The following ZFAND3 variants were observed in gnomAD, a reference collection of about 807,000 sequenced individuals.
ZFAND3 encodes zinc finger AN1-type containing 3, also known as AN1-type zinc finger protein 3.
A neutral mutation model predicts 29.6 loss-of-function variants in ZFAND3; 10 were observed. The observed-to-expected ratio is 0.34, with a 90% CI of 0.21 to 0.57. ZFAND3 has a LOEUF of 0.57. ZFAND3 is among the 20% of genes least tolerant of loss of function. The pLI is 0.86. For synonymous variants in ZFAND3, 128 were observed against 112.6 expected (o/e 1.14, Z -0.87); for missense variants, 230 against 304.5 (o/e 0.76, Z 1.82).
At chr6:38,086,467 T>C (rs1764759791) in intron 4 of ZFAND3, among the ~76,000 whole-genome samples, 1 of 152,224 alleles carries the variant, frequency 6.6e-6, no homozygotes, top group Admixed American at 6.5e-5. Context: ...AAGCACATCA[T>C]ACCTTCAGAT....
At position 37,961,879 on chromosome 6, in the gene ZFAND3, C is replaced by G. The variant is rs140410147; in HGVS notation, c.112+31880C>G. Reference sequence around the variant, plus strand: ...CTTTAGAATATCTGGAAGGCCTTTCCAAGAAGGATGGGTACAAACAAGCCC... The same window carrying G: ...CTTTAGAATATCTGGAAGGCCTTTCGAAGAAGGATGGGTACAAACAAGCCC... On this transcript the variant is annotated intron_variant, in intron 2 of 5. Transcript: ENST00000287218. Among the ~76,000 whole-genome samples, 3 of 152,126 alleles carry G rather than the reference C, an allele frequency of 2.0e-5. No individual in the cohort carries two copies. In the East Asian group the frequency reaches 5.8e-4, roughly 29 times the overall value.
chr6:38,004,825 G>C lies in ZFAND3; in HGVS notation c.113-56768G>C, dbSNP rs546806502. Among the ~76,000 whole-genome samples the C allele has an allele frequency of 5.8e-4, 88 of 152,158 alleles. 1 individual carries two copies. Among genetic ancestry groups the C allele is most frequent in the Admixed American group, 4.9e-3 (75 of 15,286 alleles). On this transcript the variant is annotated intron_variant, in intron 2 of 5. Transcript: ENST00000287218. ...TTTTGTCTCTTCCATTAAATGTCTG[G>C]CTATAACACAGATCATCATCATGTG... is the stretch of plus-strand genomic sequence containing the variant.
chr6:37,980,503 G>C (rs1237726865), intron 2 of ZFAND3, among the ~76,000 whole-genome samples: 1 of 152,186 alleles, frequency 6.6e-6, no homozygotes, highest in Non-Finnish European at 1.5e-5. Context: ...TTTGAAGCAA[G>C]TATTAGCTTC....
chr6:38,084,896 A>C (rs1764728587), intron 4 of ZFAND3, among the ~76,000 whole-genome samples: 1 of 152,238 alleles, frequency 6.6e-6, no homozygotes, highest in South Asian at 2.1e-4. Context: ...ACTTCTTTTC[A>C]AGAAGACTGT....
intron 1 of ZFAND3, among the ~76,000 whole-genome samples, chr6:37,913,670 A>G (rs990897588): frequency 2.8e-5 from 4 of 142,314 alleles, no homozygotes; most frequent in Non-Finnish European, 6.2e-5. Flanking sequence ...AAAATAGTCT[A>G]TTATTTACTT....
chr6:38,050,945 T>C (rs1156323838), intron 2 of ZFAND3, among the ~76,000 whole-genome samples: 6 of 152,118 alleles, frequency 3.9e-5, no homozygotes, highest in African/African-American at 1.4e-4. Context: ...GAAGGAGACC[T>C]GAAGATTGGT....
At chr6:37,908,743 G>GAAAAAAA (rs202057469) in intron 1 of ZFAND3, among the ~76,000 whole-genome samples, 2 of 97,264 alleles carry the variant, frequency 2.1e-5, no homozygotes, top group African/African-American at 3.6e-5. Context: ...AATTTTCAAA[G>GAAAAAAA]AAAAAAAAAA....
At chr6:38,010,517 C>T (rs1292213667) in intron 2 of ZFAND3, among the ~76,000 whole-genome samples, 1 of 151,370 alleles carries the variant, frequency 6.6e-6, no homozygotes, top group Non-Finnish European at 1.5e-5. Flanking sequence ...TTGTCTTCAG[C>T]TGTTAAGTCT....
intron 1 of ZFAND3, among the ~76,000 whole-genome samples, chr6:37,838,258 G>C (rs1489579090): frequency 4.6e-5 from 7 of 152,158 alleles, no homozygotes; most frequent in Non-Finnish European, 7.4e-5. Context: ...GGAAGGTAAA[G>C]TTGTTGTTTT....
chr6:37,960,962 A>G (rs956193692), intron 2 of ZFAND3, among the ~76,000 whole-genome samples: 7 of 152,074 alleles, frequency 4.6e-5, no homozygotes, highest in Non-Finnish European at 1.0e-4. Flanking sequence ...GGATGTACCT[A>G]TAGTCAGGAG....
chr6:38,030,288 A>G (rs993351278), intron 2 of ZFAND3, among the ~76,000 whole-genome samples: 2 of 151,470 alleles, frequency 1.3e-5, no homozygotes, highest in African/African-American at 4.9e-5. Context: ...TGGCTTCCCA[A>G]AGTGTTGGGA....
chr6:38,060,413 CT>C (rs1291473724), intron 2 of ZFAND3, among the ~76,000 whole-genome samples: 2 of 150,028 alleles, frequency 1.3e-5, no homozygotes, highest in Non-Finnish European at 3.0e-5. Context: ...TTTCTTGGTT[CT>C]TTTTTTTCCT....
chr6:38,121,427 G>C (rs1043554216), intron 5 of ZFAND3, among the ~76,000 whole-genome samples: 7 of 152,142 alleles, frequency 4.6e-5, no homozygotes, highest in Non-Finnish European at 8.8e-5. Flanking sequence ...ACTTGAGGGA[G>C]CATCACAATT....
rs568783288 is a variant in ZFAND3 at position 37,956,418 on chromosome 6, A to C, written c.112+26419A>C. Among the ~76,000 whole-genome samples the C allele has an allele frequency of 2.0e-5, 3 of 152,330 alleles. No homozygotes were observed. In the East Asian group the frequency reaches 5.8e-4, roughly 29 times the overall value. On this transcript the variant is annotated intron_variant, in intron 2 of 5. Transcript: ENST00000287218. ...AAATAGAACACAAAGGAATGCTCAG[A>C]TCCTTGGAGGAGGAAGCAGAAAAGG...
chr6:38,032,040 C>T (rs1763571646), intron 2 of ZFAND3, among the ~76,000 whole-genome samples: 1 of 151,954 alleles, frequency 6.6e-6, no homozygotes, highest in African/African-American at 2.4e-5. Context: ...GTCATGTTAC[C>T]CAGGCTGGTC....
intron 1 of ZFAND3, among the ~76,000 whole-genome samples, chr6:37,911,785 G>A (rs1280759823): frequency 6.6e-6 from 1 of 152,172 alleles, no homozygotes; most frequent in East Asian, 1.9e-4. Flanking sequence ...ACAGGTGGGA[G>A]TGGAGATGAG....
intron 5 of ZFAND3, among the ~76,000 whole-genome samples, chr6:38,142,611 C>A (rs982796719): frequency 1.3e-5 from 2 of 152,184 alleles, no homozygotes; most frequent in Non-Finnish European, 2.9e-5. Flanking sequence ...AATCAGGAGC[C>A]TACTGAAAGG....
intron 1 of ZFAND3, among the ~76,000 whole-genome samples, chr6:37,891,852 C>T (rs1765111146): frequency 6.6e-6 from 1 of 151,948 alleles, no homozygotes; most frequent in Admixed American, 6.6e-5. Context: ...TCTCAGCCTC[C>T]CGAGTAGTTG....
intron 1 of ZFAND3, among the ~76,000 whole-genome samples, chr6:37,924,923 G>C (rs528350743): frequency 1.9e-4 from 29 of 152,066 alleles, no homozygotes; most frequent in Non-Finnish European, 2.9e-4. Context: ...AGTGATTTGG[G>C]GGTACAGGGA....
Sources: gnomAD v4.1 joint callset for allele counts (sites outside exome capture counted in the v4.1 genomes callset) on GRCh38, gnomAD v4.1.1 for gene constraint, MANE v1.5 for transcripts, NCBI Gene and HGNC (gene_info 2026-07-23, HGNC 2026-07-21) for gene names.